GRHL2: variants seen among roughly 807,000 people sequenced by gnomAD.
The protein encoded by GRHL2 is grainyhead like transcription factor 2.
A neutral mutation model predicts 83.8 loss-of-function variants in GRHL2; 21 were observed. The ratio of observed to expected loss-of-function variants is 0.25; its 90% CI spans 0.18 to 0.36. The LOEUF (loss-of-function observed/expected upper bound fraction) is 0.36. GRHL2 is among the 10% of genes least tolerant of loss of function. The pLI is 1.00. For missense variants in GRHL2, 623 were observed against 781.8 expected, an observed-to-expected ratio of 0.80 and a Z score of 2.42; for synonymous variants, 280 against 278.9, an observed-to-expected ratio of 1.00 and a Z score of -0.04.
chr8:101,670,975 G>A (rs1814195617), downstream of GRHL2, among the ~76,000 whole-genome samples: 1 of 152,166 alleles, frequency 6.6e-6, no homozygotes, highest in African/African-American at 2.4e-5. Flanking sequence ...TCTATAGTGG[G>A]GCCTCTGATC....
chr8:101,652,471 T>TGTGTG (rs1813673179), intron 14 of GRHL2, among the ~76,000 whole-genome samples: 1 of 116,278 alleles, frequency 8.6e-6, no homozygotes, highest in Non-Finnish European at 1.7e-5. Flanking sequence ...GTGTGTGGTG[T>TGTGTG]GTGTGTGGTA....
At chr8:101,545,253 T>C (rs553107891) in intron 2 of GRHL2, among the ~76,000 whole-genome samples, 1 of 152,202 alleles carries the variant, frequency 6.6e-6, no homozygotes, top group East Asian at 1.9e-4. Flanking sequence ...TTCCCACTTA[T>C]CAAGAGAGCC....
At chr8:101,557,608 T>C (rs1267857723) in intron 3 of GRHL2, among the ~76,000 whole-genome samples, 1 of 152,212 alleles carries the variant, frequency 6.6e-6, no homozygotes, top group Non-Finnish European at 1.5e-5. Context: ...CTTTTTGGTT[T>C]GTTCAGGTCA....
At chr8:101,649,568 T>C in intron 14 of GRHL2, 69 bp downstream of exon 14, 2 of 1,146,362 alleles carry the variant, frequency 1.7e-6, no homozygotes, top group South Asian at 2.6e-5. Context: ...ATCCATGTAC[T>C]AACGTGCAGC....
At chr8:101,562,062 C>T (rs1811617565) in intron 4 of GRHL2, 1 of 726,190 alleles carries the variant, frequency 1.4e-6, no homozygotes, top group African/African-American at 1.7e-5. Flanking sequence ...CTTCCAACTA[C>T]TTCCCTTTGC....
intron 1 of GRHL2, among the ~76,000 whole-genome samples, chr8:101,522,754 C>T (rs56225905): frequency 2.8e-5 from 3 of 108,048 alleles, no homozygotes; most frequent in East Asian, 2.1e-4. Context: ...TATATATACA[C>T]ACACATATAC....
downstream of GRHL2, among the ~76,000 whole-genome samples, chr8:101,671,825 C>A (rs1005136602): frequency 6.6e-6 from 1 of 152,192 alleles, no homozygotes; most frequent in Admixed American, 6.5e-5. Context: ...TCCGGGTACT[C>A]CTCTGAGACA....
At chr8:101,585,045 A>G (rs1001049443) in intron 7 of GRHL2, among the ~76,000 whole-genome samples, 3 of 152,118 alleles carry the variant, frequency 2.0e-5, no homozygotes, top group African/African-American at 7.2e-5. Flanking sequence ...CCAGGTAGCT[A>G]GGTGGTCAGG....
At chr8:101,508,500 G>A (rs962157296) in intron 1 of GRHL2, among the ~76,000 whole-genome samples, 2 of 151,338 alleles carry the variant, frequency 1.3e-5, no homozygotes, top group Admixed American at 1.3e-4. Flanking sequence ...TTCAGCTGTA[G>A]AGCATTTATA....
intron 14 of GRHL2, among the ~76,000 whole-genome samples, chr8:101,653,320 C>CT (rs1813711963): frequency 6.6e-6 from 1 of 152,076 alleles, no homozygotes; most frequent in African/African-American, 2.4e-5. Flanking sequence ...AGGGAAAAAC[C>CT]TTAACTTTTA....
chr8:101,492,693 C>A lies in GRHL2; in HGVS notation c.-77C>A. 1 of 1,329,762 alleles carries A rather than the reference C, an allele frequency of 7.5e-7. No homozygotes were observed. The highest frequency in any genetic ancestry group is 1.1e-6 in the Non-Finnish European group (1 of 920,020). The allele number at this position is 1,329,762 out of a possible 1,614,324, so 82.4% of individuals were successfully genotyped here. ...TCTCGGGCGCTCTCACACACCTTCACCTGCACAGACTTGAAAGTCCAGTTT... is the reference window on the plus strand; with the variant it reads ...TCTCGGGCGCTCTCACACACCTTCAACTGCACAGACTTGAAAGTCCAGTTT... On this transcript the variant is annotated 5_prime_UTR_variant, in exon 1 of 16. Transcript: ENST00000646743.
At chr8:101,675,153 C>T in the GRHL2 span, among the ~76,000 whole-genome samples, 1 of 152,066 alleles carries the variant, frequency 6.6e-6, no homozygotes, top group East Asian at 1.9e-4. Flanking sequence ...TGGCACAAGA[C>T]AGGGATGCCC....
At chr8:101,543,875 A>G (rs527950561) in intron 2 of GRHL2, 8 of 217,704 alleles carry the variant, frequency 3.7e-5, no homozygotes, top group Admixed American at 2.2e-4. Flanking sequence ...ACAGTTCCAC[A>G]TGGCTGGGGA....
At chr8:101,595,778 G>A (rs1390423105) in intron 7 of GRHL2, among the ~76,000 whole-genome samples, 2 of 151,722 alleles carry the variant, frequency 1.3e-5, no homozygotes, top group Non-Finnish European at 2.9e-5. Flanking sequence ...AAAAAAAAAT[G>A]GGCAAAGGAC....
chr8:101,604,911 A>T (rs943616856), intron 8 of GRHL2, among the ~76,000 whole-genome samples: 5 of 152,226 alleles, frequency 3.3e-5, no homozygotes, highest in Non-Finnish European at 4.4e-5. Context: ...ATTCTAGCCC[A>T]GTGCCTCTGC....
intron 8 of GRHL2, among the ~76,000 whole-genome samples, chr8:101,604,314 C>A (rs187817625): frequency 2.0e-4 from 30 of 152,288 alleles, no homozygotes; most frequent in African/African-American, 7.0e-4. Context: ...AGATTCCTGG[C>A]ACCGAGCACT....
rs537505699 is a variant in GRHL2, at chr8:101,529,077, C to G, written c.21-14164C>G. The stretch of plus-strand genomic sequence containing the variant: ...CAACAGTTTTTTCAGGGAGTTCTTC[C>G]TCTTTGACAGGGATTTCTATGGGGC... On this transcript the variant is annotated intron_variant, in intron 1 of 15. Coordinates refer to ENST00000646743, the MANE Select transcript of GRHL2 (RefSeq NM_024915.4). 1.8e-5 allele frequency: 7 copies of G among 384,462 alleles called. No homozygotes were observed. In the East Asian group the frequency reaches 5.8e-4, roughly 32 times the overall value. 23.8% of individuals were successfully genotyped at this position (384,462 alleles called of 1,614,324 possible). A position where few individuals can be genotyped will look rare whatever the true frequency, so the allele number is the denominator to read the frequency against.
chr8:101,599,697 G>C (rs1208838772), intron 8 of GRHL2, among the ~76,000 whole-genome samples: 1 of 152,152 alleles, frequency 6.6e-6, no homozygotes, highest in Non-Finnish European at 1.5e-5. Context: ...GTTTTTTGGA[G>C]TGCCCACATG....
chr8:101,619,205 A>T lies in GRHL2; in HGVS notation c.1099-334A>T, dbSNP rs566815699. Among the ~76,000 whole-genome samples, 15 of 152,222 alleles carry T rather than the reference A, an allele frequency of 9.9e-5. No homozygotes were observed. The East Asian group carries it at 2.9e-3, about 29-fold the overall frequency. The stretch of plus-strand genomic sequence containing the variant: ...GAGGGGGAGGTTGCAGTGAGCTGAG[A>T]TCACGCCACTGCACTCCAGCCTGGG... On this transcript the variant is annotated intron_variant, in intron 8 of 15. Coordinates refer to ENST00000646743, the MANE Select transcript of GRHL2 (RefSeq NM_024915.4).
Sources: gnomAD v4.1 joint callset for allele counts (sites outside exome capture counted in the v4.1 genomes callset) on GRCh38, gnomAD v4.1.1 for gene constraint, MANE v1.5 for transcripts, NCBI Gene and HGNC (gene_info 2026-07-23, HGNC 2026-07-21) for gene names.